ACOX2: variants seen among roughly 807,000 people sequenced by gnomAD.
ACOX2 encodes acyl-CoA oxidase 2, also known as peroxisomal acyl-coenzyme A oxidase 2.
ACOX2 carries 59 observed loss-of-function variants against 77.5 expected under a neutral mutation model. That is an observed-to-expected ratio of 0.76 (90% CI 0.62 to 0.95). ACOX2 has a LOEUF of 0.95. Ranked by LOEUF, ACOX2 falls within the 40% of genes least tolerant of loss-of-function variation. The pLI, the probability that ACOX2 is intolerant of heterozygous loss-of-function variation, is 0.00. For synonymous variants in ACOX2, 317 were observed against 340.1 expected (o/e 0.93, Z 0.75); for missense variants, 837 against 880.4 (o/e 0.95, Z 0.62).
At position 58,512,337 on chromosome 3, in the gene ACOX2, T is replaced by A. The variant is rs939624222; in HGVS notation, c.1851-3312A>T. On this transcript the variant is annotated intron_variant, in intron 13 of 14. Transcript: ENST00000302819. This position sits in a 1 kb window ranked among gnomAD's most constrained non-coding sequence, Gnocchi z 4.8. ...ACCTCCAGCACTGTCACTGCTCCAATCCACTATCATCACTCACTTGGATGA... is the reference window on the plus strand; with the variant it reads ...ACCTCCAGCACTGTCACTGCTCCAAACCACTATCATCACTCACTTGGATGA... Among the ~76,000 whole-genome samples, 2 of 152,188 alleles carry A rather than the reference T, an allele frequency of 1.3e-5. No individual in the cohort carries two copies. The highest frequency in any genetic ancestry group is 6.5e-5 in the Admixed American group (1 of 15,272).
Position 58,505,382 on chromosome 3 carries a change from C to A in ACOX2, c.1984-96G>T. On this transcript the variant is annotated intron_variant, in intron 14 of 14. Transcript: ENST00000302819. This position sits in a 1 kb window ranked among gnomAD's most constrained non-coding sequence, Gnocchi z 4.4. ...TTAAGTCTCTAGCTTCAAAAAGTAA[C>A]ATTACGTAAGATTCTTAATTTTAAA... The A allele has an allele frequency of 1.0e-6, 1 of 970,982 alleles. No individual in the cohort carries two copies. Among genetic ancestry groups the A allele is most frequent in the Non-Finnish European group, 1.5e-6 (1 of 659,498 alleles). 60.1% of individuals were successfully genotyped at this position (970,982 alleles called of 1,614,324 possible). A position where few individuals can be genotyped will look rare whatever the true frequency, so the allele number is the denominator to read the frequency against.
At chr3:58,516,140 G>A (rs1317456356) in intron 13 of ACOX2, among the ~76,000 whole-genome samples, 1 of 152,122 alleles carries the variant, frequency 6.6e-6, no homozygotes, top group East Asian at 1.9e-4. Flanking sequence ...CATTAATGCT[G>A]CATTAAAAAA....
rs994229288 is a variant in ACOX2, at chr3:58,524,998, G to A, written c.1347-393C>T. 6.6e-6 allele frequency among the ~76,000 whole-genome samples: 1 copy of A among 152,230 alleles called. No homozygotes were observed. The highest frequency in any genetic ancestry group is 1.5e-5 in the Non-Finnish European group (1 of 68,034). On this transcript the variant is annotated intron_variant, in intron 10 of 14. Transcript: ENST00000302819. This position sits in a 1 kb window ranked among gnomAD's most constrained non-coding sequence, Gnocchi z 5.5. ...AGAGGCAAGAATGCTAACAGGAGTA[G>A]GAGGATTATAGGTGACTCTCAACTG...
rs780545476 is a variant in ACOX2 at position 58,524,301 on chromosome 3, G to A, written c.1526+125C>T. 7.6e-5 allele frequency: 93 copies of A among 1,228,352 alleles called. No individual in the cohort carries two copies. The highest frequency in any genetic ancestry group is 8.8e-5 in the Non-Finnish European group (79 of 894,124). 76.1% of individuals were successfully genotyped at this position (1,228,352 alleles called of 1,614,324 possible). A position where few individuals can be genotyped will look rare whatever the true frequency, so the allele number is the denominator to read the frequency against. ...GGTGGCAGGAACTGAGAGGACCGGG[G>A]AGGCTAGGCATGGGGTGGTTTTTAG... On this transcript the variant is annotated intron_variant, in intron 11 of 14. Transcript: ENST00000302819. The surrounding 1 kb of genome is among the most constrained non-coding windows in gnomAD (Gnocchi z 5.5).
chr3:58,505,276 G>T lies in ACOX2; in HGVS notation c.1994C>A (p.Ala665Asp). 1 of 1,612,260 alleles carries T rather than the reference G, an allele frequency of 6.2e-7. No homozygotes were observed. The highest frequency in any genetic ancestry group is 8.5e-7 in the Non-Finnish European group (1 of 1,179,228). The change falls in exon 15 of 15, where the codon GCC becomes GAC. Residue 665 changes from alanine (A) to aspartate (D), a missense_variant. By Grantham distance (126) the Ala-to-Asp change is moderately radical (BLOSUM62 -2). Transcript: ENST00000302819. The surrounding 1 kb of genome is among the most constrained non-coding windows in gnomAD (Gnocchi z 4.4). ...AAGTGGTCTTATATATTCCTCATAG[G>T]CAGGGTTCTCCTGTTTGTAGAAAGA... is the stretch of plus-strand genomic sequence containing the variant. The part of the protein sequence containing the change: ...KSPTNTQENP[A>D]YEEYIRPLLQ...
intron 13 of ACOX2, among the ~76,000 whole-genome samples, chr3:58,513,922 GAGA>G (rs1229473488): frequency 2.6e-5 from 4 of 152,290 alleles, no homozygotes; most frequent in African/African-American, 9.6e-5. Flanking sequence ...AGATTCTCCA[GAGA>G]AGGATCATCT....
Position 58,508,951 on chromosome 3 carries a change from T to G in ACOX2, c.1925A>C (p.Asp642Ala), listed in dbSNP as rs1386447610. 1 of 1,614,194 alleles carries G rather than the reference T, an allele frequency of 6.2e-7. No individual in the cohort carries two copies. Among genetic ancestry groups the G allele is most frequent in the Non-Finnish European group, 8.5e-7 (1 of 1,180,024 alleles). ...QCLNSALGCY[D>A]GNVYERLFQW... ...GAACAGGCGTTCGTAGACGTTTCCA[T>G]CATAACAGCCAAGTGCTGAATTTAA... Residue 642 changes from aspartate (D) to alanine (A), a missense_variant, in exon 14 of 15, where the codon GAT (aspartate) becomes GCT (alanine). Coordinates refer to ENST00000302819, the MANE Select transcript of ACOX2 (RefSeq NM_003500.4).
Position 58,533,640 on chromosome 3 carries a change from C to T in ACOX2, c.476-88G>A. On this transcript the variant is annotated intron_variant, in intron 4 of 14. Transcript: ENST00000302819. The surrounding 1 kb of genome is among the most constrained non-coding windows in gnomAD (Gnocchi z 5.6). The stretch of plus-strand genomic sequence containing the variant: ...TTCTAGGTGGGTCTGAACTCTTAGG[C>T]ATCAGCGCAGTATGGAGTGGGGCCC... 1.6e-6 allele frequency: 2 copies of T among 1,246,150 alleles called. No individual in the cohort carries two copies. The highest frequency in any genetic ancestry group is 1.2e-5 in the South Asian group (1 of 80,432). 77.2% of individuals were successfully genotyped at this position (1,246,150 alleles called of 1,614,324 possible).
chr3:58,533,976 G>A lies in ACOX2; in HGVS notation c.475+18C>T, dbSNP rs138268845. 1.5e-3 allele frequency: 2,346 copies of A among 1,613,752 alleles called. 24 individuals are homozygous for A. In the African/African-American group the frequency reaches 0.022, roughly 15 times the overall value. ...GCAGTGCACAACCTAAACACCACAC[G>A]CAGCAGTCCTAGCTCACCATGTCCC... On this transcript the variant is annotated intron_variant, in intron 4 of 14. Transcript: ENST00000302819. This position sits in a 1 kb window ranked among gnomAD's most constrained non-coding sequence, Gnocchi z 5.6.
Position 58,533,897 on chromosome 3 carries a change from T to G in ACOX2, c.475+97A>C. ...TGTTTTCTTATTAAACATATGTCCC[T>G]CGGAGCATATGAACCTATGACTACC... On this transcript the variant is annotated intron_variant, in intron 4 of 14. Transcript: ENST00000302819. The surrounding 1 kb of genome is among the most constrained non-coding windows in gnomAD (Gnocchi z 5.6). 3 of 1,451,046 alleles carry G rather than the reference T, an allele frequency of 2.1e-6. No individual in the cohort carries two copies. The South Asian group carries it at 3.8e-5, about 19-fold the overall frequency. The allele number at this position is 1,451,046 out of a possible 1,614,324, so 89.9% of individuals were successfully genotyped here. A position where few individuals can be genotyped will look rare whatever the true frequency, so the allele number is the denominator to read the frequency against.
intron 13 of ACOX2, chr3:58,511,349 C>A: frequency 2.7e-6 from 1 of 369,998 alleles, no homozygotes; most frequent in Admixed American, 3.5e-5. Context: ...TGGTGCTGGT[C>A]CTGGCTGGAT....
chr3:58,510,978 C>T (rs1417527664), intron 13 of ACOX2: 2 of 456,360 alleles, frequency 4.4e-6, no homozygotes, highest in South Asian at 3.1e-5. Flanking sequence ...TTATTTCTTA[C>T]CATCTCTTTG....
Position 58,524,709 on chromosome 3 carries a change from T to TC in ACOX2, c.1347-105dup, listed in dbSNP as rs1255272832. On this transcript the variant is annotated intron_variant, in intron 10 of 14. Transcript: ENST00000302819. The surrounding 1 kb of genome is among the most constrained non-coding windows in gnomAD (Gnocchi z 5.5). The stretch of plus-strand genomic sequence containing the variant: ...GCAAGCTCATGCTAGGTTCCAGCCT[T>TC]CCCGTGGGAGAGCCAGGTCACCAGG... 2.3e-5 allele frequency: 30 copies of TC among 1,299,810 alleles called. No individual in the cohort carries two copies. Among genetic ancestry groups the TC allele is most frequent in the Non-Finnish European group, 1.6e-5 (15 of 952,770 alleles). 80.5% of individuals were successfully genotyped at this position (1,299,810 alleles called of 1,614,324 possible). A position where few individuals can be genotyped will look rare whatever the true frequency, so the allele number is the denominator to read the frequency against.
In ACOX2 at chr3:58,534,190, G is replaced by C; in HGVS notation, c.324-45C>G. ...TAGTTGAGTAGCTTATTGGAGACAGGGGCCCAGGTACCCCCTGCCTGAGCA... is the reference window on the plus strand; with the variant it reads ...TAGTTGAGTAGCTTATTGGAGACAGCGGCCCAGGTACCCCCTGCCTGAGCA... On this transcript the variant is annotated intron_variant, in intron 3 of 14. Transcript: ENST00000302819. This position sits in a 1 kb window ranked among gnomAD's most constrained non-coding sequence, Gnocchi z 4.8. 6.2e-7 allele frequency: 1 copy of C among 1,609,858 alleles called. No homozygotes were observed. Among genetic ancestry groups the C allele is most frequent in the Non-Finnish European group, 8.5e-7 (1 of 1,178,088 alleles).
At position 58,534,861 on chromosome 3, in the gene ACOX2, G is replaced by A; in HGVS notation, c.160+86C>T. The A allele has an allele frequency of 1.3e-6, 2 of 1,575,648 alleles. No individual in the cohort carries two copies. Among genetic ancestry groups the A allele is most frequent in the Non-Finnish European group, 1.7e-6 (2 of 1,152,964 alleles). ...ATTTCAAGGGCAAAGTTTGTTATTT[G>A]GAAGCAGAACTGCTAATGAAGGACT... On this transcript the variant is annotated intron_variant, in intron 2 of 14. Transcript: ENST00000302819. This position sits in a 1 kb window ranked among gnomAD's most constrained non-coding sequence, Gnocchi z 4.8.
intron 12 of ACOX2, among the ~76,000 whole-genome samples, chr3:58,520,128 A>C (rs900296020): frequency 2.0e-5 from 3 of 152,208 alleles, no homozygotes; most frequent in Non-Finnish European, 4.4e-5. Flanking sequence ...CCTCCTGTCT[A>C]ATTTGGGGGT....
chr3:58,533,610 G>T lies in ACOX2; in HGVS notation c.476-58C>A. ...CTGAGGTGGGGTTCTTACCTGTGAA[G>T]CTGCTTCTAGGTGGGTCTGAACTCT... On this transcript the variant is annotated intron_variant, in intron 4 of 14. Coordinates refer to ENST00000302819, the MANE Select transcript of ACOX2 (RefSeq NM_003500.4). The surrounding 1 kb of genome is among the most constrained non-coding windows in gnomAD (Gnocchi z 5.6). 1.3e-6 allele frequency: 2 copies of T among 1,527,086 alleles called. No individual in the cohort carries two copies. The highest frequency in any genetic ancestry group is 1.1e-5 in the South Asian group (1 of 88,892). The allele number at this position is 1,527,086 out of a possible 1,614,324, so 94.6% of individuals were successfully genotyped here.
At position 58,526,412 on chromosome 3, in the gene ACOX2, G is replaced by A. The variant is rs1472940394; in HGVS notation, c.1346+54C>T. The A allele has an allele frequency of 3.3e-6, 5 of 1,532,566 alleles. No individual in the cohort carries two copies. The highest frequency in any genetic ancestry group is 3.5e-6 in the Non-Finnish European group (4 of 1,135,538). The allele number at this position is 1,532,566 out of a possible 1,614,324, so 94.9% of individuals were successfully genotyped here. On this transcript the variant is annotated intron_variant, in intron 10 of 14. Transcript: ENST00000302819. This position sits in a 1 kb window ranked among gnomAD's most constrained non-coding sequence, Gnocchi z 4.3. ...AGACGGAACCCTCCACCCAACAGAA[G>A]CTTGGTGGGTCCCCAAGGGCTTGGG...
intron 9 of ACOX2, among the ~76,000 whole-genome samples, chr3:58,527,450 C>G (rs2108004894): frequency 6.7e-6 from 1 of 149,680 alleles, no homozygotes; most frequent in African/African-American, 2.5e-5. Flanking sequence ...GCAGGAGAAT[C>G]TCTTGAACCT....
Sources: allele counts gnomAD v4.1 joint callset (sites outside exome capture counted in the v4.1 genomes callset), GRCh38; gene constraint gnomAD v4.1.1; non-coding constraint Gnocchi (gnomAD v3.1); transcripts MANE v1.5; gene names NCBI Gene and HGNC (gene_info 2026-07-23, HGNC 2026-07-21).